Variants in DENND1B observed in about 807,000 individuals in gnomAD.
DENND1B encodes DENN domain-containing protein 1B.
Under a neutral mutation model 90.1 loss-of-function variants are expected in DENND1B, and 59 were observed. The observed-to-expected ratio is 0.65, with a 90% CI of 0.53 to 0.81. The LOEUF is 0.81. Ranked by LOEUF, DENND1B falls within the 40% of genes least tolerant of loss-of-function variation. The pLI, the probability that DENND1B is intolerant of heterozygous loss-of-function variation, is 0.00. For synonymous variants in DENND1B, 337 were observed against 324.6 expected (o/e 1.04, Z -0.41); for missense variants, 862 against 912.6 (o/e 0.94, Z 0.71).
At chr1:197,674,074 G>T in intron 4 of DENND1B, 46 bp downstream of exon 4, 1 of 1,283,190 alleles carries the variant, frequency 7.8e-7, no homozygotes, top group Non-Finnish European at 1.1e-6. Flanking sequence ...TTTCAAGTAT[G>T]TACTATAAGA....
At chr1:197,697,011 A>G (rs1374816654) in intron 3 of DENND1B, among the ~76,000 whole-genome samples, 1 of 151,012 alleles carries the variant, frequency 6.6e-6, no homozygotes, top group Non-Finnish European at 1.5e-5. Flanking sequence ...TAATTTTCAA[A>G]CTGAGTTTTA....
chr1:197,665,438 G>T (rs764753922), intron 5 of DENND1B, among the ~76,000 whole-genome samples: 7 of 152,072 alleles, frequency 4.6e-5, no homozygotes, highest in African/African-American at 1.7e-4. Flanking sequence ...AGTTTTTTGG[G>T]TTTTTTAAAA....
At chr1:197,635,811 A>G (rs1159041011) in intron 10 of DENND1B, among the ~76,000 whole-genome samples, 7 of 152,172 alleles carry the variant, frequency 4.6e-5, no homozygotes, top group African/African-American at 1.7e-4. Context: ...ATTTTGAAAA[A>G]CATTCAGAAG....
chr1:197,514,001 C>T (rs1252051470), intron 20 of DENND1B, among the ~76,000 whole-genome samples: 1 of 151,620 alleles, frequency 6.6e-6, no homozygotes, highest in African/African-American at 2.4e-5. Flanking sequence ...TGTATAGGCA[C>T]ATAATGTTTA....
At chr1:197,522,899 G>A (rs1394823829) in intron 20 of DENND1B, among the ~76,000 whole-genome samples, 1 of 152,088 alleles carries the variant, frequency 6.6e-6, no homozygotes, top group Non-Finnish European at 1.5e-5. Flanking sequence ...ATGTCAATAA[G>A]GTCTTAAAGG....
In DENND1B at chr1:197,772,870, T is replaced by A; in HGVS notation, c.80A>T (p.Glu27Val). Residue 27 changes from glutamate to valine, a missense_variant and splice_region_variant, in exon 2 of 23, where the codon GAA becomes GTA. Coordinates refer to ENST00000620048, the MANE Select transcript of DENND1B (RefSeq NM_001195215.2). ...AACAGAACACAGAAGACACATACCT[T>A]CATTTTCAGAGGCATGACATTTCAC... ...LKVKCHASENEDPVVLWKFPE... is the reference protein window; with the variant it reads ...LKVKCHASENVDPVVLWKFPE... The A allele has an allele frequency of 1.3e-6, 2 of 1,551,278 alleles. No homozygotes were observed. Among genetic ancestry groups the A allele is most frequent in the Non-Finnish European group, 1.7e-6 (2 of 1,146,650 alleles).
chr1:197,748,429 G>A (rs1652994414), intron 2 of DENND1B, among the ~76,000 whole-genome samples: 1 of 152,164 alleles, frequency 6.6e-6, no homozygotes, highest in Non-Finnish European at 1.5e-5. Context: ...ACCTGTGACT[G>A]TATTATATAA....
At chr1:197,699,464 C>T (rs980636399) in intron 3 of DENND1B, among the ~76,000 whole-genome samples, 1 of 152,028 alleles carries the variant, frequency 6.6e-6, no homozygotes, top group African/African-American at 2.4e-5. Flanking sequence ...ACTGAATGGG[C>T]AAAAGCTGGA....
At chr1:197,644,993 T>C (rs1293666150) in intron 9 of DENND1B, among the ~76,000 whole-genome samples, 2 of 152,134 alleles carry the variant, frequency 1.3e-5, no homozygotes, top group Non-Finnish European at 2.9e-5. Flanking sequence ...CATTTTCACA[T>C]AGTTATCCAA....
At chr1:197,610,509 C>T (rs1033265781) in intron 12 of DENND1B, among the ~76,000 whole-genome samples, 1 of 150,100 alleles carries the variant, frequency 6.7e-6, no homozygotes, top group Non-Finnish European at 1.5e-5. Context: ...TTTTTCATCT[C>T]TATAAATAAA....
At chr1:197,704,613 T>C (rs1035203697) in intron 3 of DENND1B, among the ~76,000 whole-genome samples, 1 of 152,196 alleles carries the variant, frequency 6.6e-6, no homozygotes, top group Non-Finnish European at 1.5e-5. Context: ...GTTGTCCCAC[T>C]GGTTCCTCAA....
intron 2 of DENND1B, among the ~76,000 whole-genome samples, chr1:197,757,113 T>G (rs1443762842): frequency 1.3e-5 from 2 of 152,058 alleles, no homozygotes; most frequent in African/African-American, 4.8e-5. Context: ...ATATTAAAAA[T>G]AACCTTCTAT....
At chr1:197,654,626 T>A (rs894605783) in intron 6 of DENND1B, among the ~76,000 whole-genome samples, 2 of 151,432 alleles carry the variant, frequency 1.3e-5, no homozygotes, top group Non-Finnish European at 3.0e-5. Flanking sequence ...AAAAAAAGAA[T>A]TTAAATCCAG....
intron 20 of DENND1B, among the ~76,000 whole-genome samples, chr1:197,521,704 T>C (rs886929377): frequency 2.0e-5 from 3 of 152,076 alleles, no homozygotes; most frequent in Non-Finnish European, 2.9e-5. Context: ...TGGCAGTTTA[T>C]AATTCAAAAC....
intron 18 of DENND1B, 100 bp downstream of exon 18, chr1:197,545,822 T>G: frequency 9.2e-7 from 1 of 1,081,166 alleles, no homozygotes; most frequent in Non-Finnish European, 1.3e-6. Context: ...TAGGTTTATT[T>G]AAAAGAAAAA....
intron 20 of DENND1B, among the ~76,000 whole-genome samples, chr1:197,519,945 A>G (rs1159506236): frequency 6.6e-6 from 1 of 151,812 alleles, no homozygotes; most frequent in African/African-American, 2.4e-5. Context: ...GGAAATTTAA[A>G]TTCAAGGGGG....
chr1:197,542,122 T>C lies in DENND1B; in HGVS notation c.1351-1107A>G, dbSNP rs557876331. On this transcript the variant is annotated intron_variant, in intron 18 of 22. Transcript: ENST00000620048. ...ACAATGCAAGTATTCTCCAGAGAAATGCTCCAAGCAAATGGCTTTGGTAAT... is the reference window on the plus strand; with the variant it reads ...ACAATGCAAGTATTCTCCAGAGAAACGCTCCAAGCAAATGGCTTTGGTAAT... Among the ~76,000 whole-genome samples the C allele has an allele frequency of 1.9e-3, 297 of 152,314 alleles. 1 individual carries two copies. Among genetic ancestry groups the C allele is most frequent in the Non-Finnish European group, 3.7e-3 (251 of 68,026 alleles).
intron 10 of DENND1B, among the ~76,000 whole-genome samples, chr1:197,620,652 T>C (rs1207800917): frequency 6.6e-6 from 1 of 151,356 alleles, no homozygotes; most frequent in Non-Finnish European, 1.5e-5. Context: ...GTAGGTGCTC[T>C]AAAGTCCATA....
At chr1:197,700,899 A>G (rs1027351624) in intron 3 of DENND1B, among the ~76,000 whole-genome samples, 1 of 152,206 alleles carries the variant, frequency 6.6e-6, no homozygotes, top group African/African-American at 2.4e-5. Flanking sequence ...ATCTCACGAC[A>G]GTCAGCATGG....
Sources: gnomAD v4.1 joint callset for allele counts (sites outside exome capture counted in the v4.1 genomes callset) on GRCh38, gnomAD v4.1.1 for gene constraint, MANE v1.5 for transcripts, NCBI Gene and HGNC (gene_info 2026-07-23, HGNC 2026-07-21) for gene names.